Variants in NEK2 observed in about 807,000 individuals in gnomAD.
NEK2 encodes NIMA related kinase 2.
Under a neutral mutation model 54.1 loss-of-function variants are expected in NEK2, and 28 were observed. The ratio of observed to expected loss-of-function variants is 0.52; its 90% confidence interval spans 0.38 to 0.71. The LOEUF (loss-of-function observed/expected upper bound fraction) is 0.71. Among genes scored for constraint, NEK2 ranks in the 30% least tolerant of loss-of-function variants. The probability of loss-of-function intolerance (pLI) is 0.00; values close to 1 mark genes in which losing one functional copy is unlikely to be tolerated. For synonymous variants in NEK2, 176 were observed against 193.1 expected (o/e 0.91, Z 0.73); for missense variants, 407 against 531.5 (o/e 0.77, Z 2.30).
chr1:211,675,260 G>C (rs958699314), intron 1 of NEK2, 124 bp downstream of exon 1: 3 of 818,904 alleles, frequency 3.7e-6, no homozygotes, highest in Non-Finnish European at 4.1e-6. Context: ...ACCCAGGAAA[G>C]ACGGTTTAGT....
In NEK2 at chr1:211,669,112, C is replaced by T. The variant is rs762954422; in HGVS notation, c.985+1G>A. 6.8e-6 allele frequency: 11 copies of T among 1,613,380 alleles called. No individual in the cohort carries two copies. The highest frequency in any genetic ancestry group is 5.0e-5 in the Admixed American group (3 of 59,974). On this transcript the variant is annotated splice_donor_variant, in intron 6 of 7. Transcript: ENST00000366999. LOFTEE classifies it high-confidence loss of function. ...TTGCTTTGACCCCCATTCAGACTTA[C>T]GCTCCAATCTTTCTTCTCTTGCTTT...
Position 211,667,141 on chromosome 1 carries a change from T to C in NEK2, c.1076A>G (p.Lys359Arg). 1 of 1,613,872 alleles carries C rather than the reference T, an allele frequency of 6.2e-7. No individual in the cohort carries two copies. Among genetic ancestry groups the C allele is most frequent in the Non-Finnish European group, 8.5e-7 (1 of 1,179,878 alleles). ...TGCCAGAGACAGGAACTTCCGTTCC[T>C]TTAGCAAGCTGTAGTTCTTCAACAG... is the stretch of plus-strand genomic sequence containing the variant. ...ENLLKNYSLL[K>R]ERKFLSLASN... is the part of the protein sequence containing the mutation. Residue 359 changes from lysine (K) to arginine (R), a missense_variant, in exon 7 of 8, where the codon AAG becomes AGG. Coordinates refer to ENST00000366999, the MANE Select transcript of NEK2 (RefSeq NM_002497.4).
downstream of NEK2, among the ~76,000 whole-genome samples, chr1:211,658,327 AATTT>A (rs1654923953): frequency 6.6e-6 from 1 of 152,106 alleles, no homozygotes. Context: ...TTTTAAAGGG[AATTT>A]ATTTGAGAAA....
chr1:211,667,341 A>C lies in NEK2; in HGVS notation c.986-110T>G, dbSNP rs571147762. 54 of 1,023,688 alleles carry C rather than the reference A, an allele frequency of 5.3e-5. No homozygotes were observed. The African/African-American group carries it at 7.8e-4, about 15-fold the overall frequency. The allele number at this position is 1,023,688 out of a possible 1,614,324, so 63.4% of individuals were successfully genotyped here. On this transcript the variant is annotated intron_variant, in intron 6 of 7. Coordinates refer to ENST00000366999, the MANE Select transcript of NEK2 (RefSeq NM_002497.4). Reference sequence around the variant, plus strand: ...ACTAGCATGCCTGATACTGATAAGCAATGTTTGGGGAAAGGATTCTCACTA... The same window carrying C: ...ACTAGCATGCCTGATACTGATAAGCCATGTTTGGGGAAAGGATTCTCACTA...
chr1:211,675,365 G>A lies in NEK2; in HGVS notation c.96+19C>T, dbSNP rs1337061434. 1 of 1,609,952 alleles carries A rather than the reference G, an allele frequency of 6.2e-7. No homozygotes were observed. Among genetic ancestry groups the A allele is most frequent in the Non-Finnish European group, 8.5e-7 (1 of 1,176,474 alleles). On this transcript the variant is annotated intron_variant, in intron 1 of 7. Transcript: ENST00000366999. The stretch of plus-strand genomic sequence containing the variant: ...CGAAACCTAAGCAGGGGCAGGCGCA[G>A]GGTAGGTCCCACGCTCACCTTGCCA...
chr1:211,675,349 A>G, intron 1 of NEK2, 35 bp downstream of exon 1: 1 of 1,596,264 alleles, frequency 6.3e-7, no homozygotes, highest in African/African-American at 1.3e-5. Flanking sequence ...ACGAAACCTA[A>G]GCAGGGGCAG....
At chr1:211,659,206 GA>G (rs140494969), downstream of NEK2, among the ~76,000 whole-genome samples, 28 of 134,062 alleles carry the variant, frequency 2.1e-4, no homozygotes, top group Non-Finnish European at 3.9e-4. Flanking sequence ...TTTAAATAGT[GA>G]AAAAAAAACA....
At chr1:211,666,718 G>C (rs1655191828) in intron 7 of NEK2, 1 of 298,120 alleles carries the variant, frequency 3.4e-6, no homozygotes. Flanking sequence ...AGAATGGCGT[G>C]AACCCGGGAG....
In NEK2 at chr1:211,674,492, C is replaced by A; in HGVS notation, c.118G>T (p.Asp40Tyr). ...DGKILVWKELDYGSMTEAEKQ... is the reference protein window; with the variant it reads ...DGKILVWKELYYGSMTEAEKQ... ...TCAGCTTCTGTCATGGAGCCATAGT[C>A]AAGTTCTTTCCAAACTAATATCTGA... The change falls in exon 2 of 8, where the codon GAC becomes TAC. Residue 40 changes from aspartate (D) to tyrosine (Y), a missense_variant. Transcript: ENST00000366999. 1 of 1,611,566 alleles carries A rather than the reference C, an allele frequency of 6.2e-7. No homozygotes were observed. Among genetic ancestry groups the A allele is most frequent in the South Asian group, 1.1e-5 (1 of 90,738 alleles).
rs1655479861 is a variant in NEK2, at chr1:211,673,691, A to C, written c.347T>G (p.Val116Gly). The change falls in exon 3 of 8, where the codon GTG (valine) becomes GGG (glycine). Residue 116 changes from valine to glycine, a missense_variant. Coordinates refer to ENST00000366999, the MANE Select transcript of NEK2 (RefSeq NM_002497.4). Reference protein sequence around the residue: ...QYLDEEFVLRVMTQLTLALKE... With the variant: ...QYLDEEFVLRGMTQLTLALKE... ...CAGGGCCAGAGTCAACTGAGTCATC[A>C]CTCGAAGAACAAACTCTTCATCTAA... 1.2e-6 allele frequency: 2 copies of C among 1,614,184 alleles called. No homozygotes were observed. Among genetic ancestry groups the C allele is most frequent in the East Asian group, 4.5e-5 (2 of 44,892 alleles).
chr1:211,660,561 C>T, downstream of NEK2: 1 of 634,658 alleles, frequency 1.6e-6, no homozygotes, highest in Non-Finnish European at 3.0e-6. Context: ...CCATCTCCAG[C>T]AGGATCTTCT....
chr1:211,669,010 T>A (rs1655268559), intron 6 of NEK2, 103 bp downstream of exon 6: 1 of 1,084,708 alleles, frequency 9.2e-7, no homozygotes, highest in South Asian at 1.5e-5. Context: ...AAGCTTCTAA[T>A]AAGATCTGTA....
chr1:211,672,615 T>TAA (rs71721781), intron 3 of NEK2, among the ~76,000 whole-genome samples: 20,739 of 138,964 alleles, frequency 0.15, 1,579 homozygotes, highest in African/African-American at 0.17. Flanking sequence ...AGTAAAATAT[T>TAA]AAAAAAAAAA....
downstream of NEK2, chr1:211,658,754 G>GAAAAAAAAAAAAAAAA (rs146064437): frequency 6.1e-6 from 1 of 164,050 alleles, no homozygotes; most frequent in African/African-American, 3.2e-5. Flanking sequence ...AAAAAGGAAA[G>GAAAAAAAAAAAAAAAA]AAAAAAAAAG....
Position 211,669,095 on chromosome 1 carries a change from A to AC in NEK2, c.985+17dup, listed in dbSNP as rs761181643. On this transcript the variant is annotated intron_variant, in intron 6 of 7. Transcript: ENST00000366999. ...CACTTGGTAGTTCTCCTTTGCTTTG[A>AC]CCCCCATTCAGACTTACGCTCCAAT... 3.2e-5 allele frequency: 52 copies of AC among 1,607,836 alleles called. No homozygotes were observed. Among genetic ancestry groups the AC allele is most frequent in the Non-Finnish European group, 4.3e-5 (51 of 1,175,104 alleles).
rs1655075890 is a variant in NEK2 at position 211,663,475 on chromosome 1, A to G, written c.1289T>C (p.Ile430Thr). ...GCTTTTCAGTTGGTAATTTTTCTCAATATCTGACAGGGCTTGAGCCCGCAG... is the reference window on the plus strand; with the variant it reads ...GCTTTTCAGTTGGTAATTTTTCTCAGTATCTGACAGGGCTTGAGCCCGCAG... The part of the protein sequence containing the change: ...AQLRAQALSD[I>T]EKNYQLKSRQ... The change falls in exon 8 of 8, where the codon ATT (isoleucine) becomes ACT (threonine). Residue 430 changes from isoleucine to threonine, a missense_variant. Transcript: ENST00000366999. The G allele has an allele frequency of 6.2e-7, 1 of 1,613,750 alleles. No homozygotes were observed. The highest frequency in any genetic ancestry group is 2.2e-5 in the East Asian group (1 of 44,888).
At chr1:211,664,272 T>TG (rs1370929737) in intron 7 of NEK2, among the ~76,000 whole-genome samples, 2 of 152,152 alleles carry the variant, frequency 1.3e-5, no homozygotes, top group Non-Finnish European at 2.9e-5. Context: ...TTACTTAAAG[T>TG]GGCAACACTA....
intron 3 of NEK2, among the ~76,000 whole-genome samples, chr1:211,673,229 T>C (rs1240234510): frequency 6.6e-6 from 1 of 151,990 alleles, no homozygotes; most frequent in Admixed American, 6.6e-5. Context: ...GTCAACATGA[T>C]GAAACCCTGT....
At chr1:211,665,000 C>T (rs2102439725) in intron 7 of NEK2, among the ~76,000 whole-genome samples, 1 of 152,208 alleles carries the variant, frequency 6.6e-6, no homozygotes, top group Middle Eastern at 3.4e-3. Flanking sequence ...ACACTTGGCT[C>T]TTAATGGGAC....
Sources: gnomAD v4.1 joint callset for allele counts (sites outside exome capture counted in the v4.1 genomes callset) on GRCh38, gnomAD v4.1.1 for gene constraint, MANE v1.5 for transcripts, NCBI Gene and HGNC (gene_info 2026-07-23, HGNC 2026-07-21) for gene names.